Variants in BCO2 observed in about 807,000 individuals in gnomAD.
BCO2 encodes carotenoid-cleaving dioxygenase, mitochondrial.
A neutral mutation model predicts 65.8 loss-of-function variants in BCO2; 56 were observed. The ratio of observed to expected loss-of-function variants is 0.85; its 90% CI spans 0.69 to 1.06. The LOEUF (loss-of-function observed/expected upper bound fraction) is 1.06, where lower values mean the gene tolerates loss of function less well. BCO2 is among the 50% of genes least tolerant of loss of function. The probability of loss-of-function intolerance (pLI) is 0.00; values close to 1 mark genes in which losing one functional copy is unlikely to be tolerated. For synonymous variants in BCO2, 233 were observed against 242.3 expected (o/e 0.96, Z 0.36); for missense variants, 675 against 698.5 (o/e 0.97, Z 0.38).
At chr11:112,188,823 G>C (rs536451178) in intron 2 of BCO2, among the ~76,000 whole-genome samples, 3 of 149,906 alleles carry the variant, frequency 2.0e-5, no homozygotes, top group Non-Finnish European at 2.9e-5. Context: ...TTATGTGCCT[G>C]TAAGTGCTGA....
At chr11:112,197,487 G>C (rs926954427) in intron 5 of BCO2, among the ~76,000 whole-genome samples, 4 of 151,758 alleles carry the variant, frequency 2.6e-5, no homozygotes, top group Non-Finnish European at 5.9e-5. Flanking sequence ...GGTTGAGGCT[G>C]CAGTGAGTCG....
At chr11:112,190,727 G>A (rs570671752) in intron 2 of BCO2, among the ~76,000 whole-genome samples, 2 of 151,772 alleles carry the variant, frequency 1.3e-5, no homozygotes, top group Admixed American at 6.6e-5. Flanking sequence ...GTGGTGGCAC[G>A]TGCCTGTGAT....
chr11:112,183,989 A>G (rs1264818816), intron 2 of BCO2, among the ~76,000 whole-genome samples: 2 of 152,210 alleles, frequency 1.3e-5, no homozygotes, highest in Non-Finnish European at 2.9e-5. Context: ...AGACCAAGCA[A>G]TTCTGTCTGT....
At chr11:112,195,939 T>C (rs1350330663) in intron 5 of BCO2, among the ~76,000 whole-genome samples, 1 of 152,218 alleles carries the variant, frequency 6.6e-6, no homozygotes, top group African/African-American at 2.4e-5. Context: ...AAGTGGTCCC[T>C]GGATCTCACC....
At chr11:112,183,277 A>G (rs1358134887) in intron 2 of BCO2, 7 of 698,398 alleles carry the variant, frequency 1.0e-5, no homozygotes, top group Non-Finnish European at 1.6e-5. Context: ...GTTGTCTAGA[A>G]GAAATAACAC....
chr11:112,214,923 TGTG>T lies in BCO2; in HGVS notation c.1498_1500del (p.Val500del), dbSNP rs1198565464. ...TGGGGGATTCTCTGATCAAGGTTGA[TGTG>T]GTGAATAAGACACTGAAGGTGATGA... is the stretch of plus-strand genomic sequence containing the variant. On this transcript the variant is annotated inframe_deletion, in exon 10 of 12. Coordinates refer to ENST00000357685, the MANE Select transcript of BCO2 (RefSeq NM_031938.7). The T allele has an allele frequency of 1.9e-6, 3 of 1,614,044 alleles. No homozygotes were observed. In the African/African-American group the frequency reaches 4.0e-5, roughly 22 times the overall value.
intron 1 of BCO2, among the ~76,000 whole-genome samples, chr11:112,176,666 G>T (rs1866897256): frequency 6.6e-6 from 1 of 152,128 alleles, no homozygotes; most frequent in African/African-American, 2.4e-5. Context: ...TTCATGAAGT[G>T]GTAAGGGGGA....
intron 8 of BCO2, among the ~76,000 whole-genome samples, chr11:112,204,963 C>A (rs1244154600): frequency 1.3e-5 from 2 of 152,104 alleles, no homozygotes; most frequent in Admixed American, 1.3e-4. Context: ...CCACACCCAG[C>A]CTTTAATAAC....
chr11:112,186,611 A>G (rs1867207934), intron 2 of BCO2, among the ~76,000 whole-genome samples: 1 of 152,220 alleles, frequency 6.6e-6, no homozygotes, highest in African/African-American at 2.4e-5. Flanking sequence ...CCATGTCAGC[A>G]TGCAGACACA....
chr11:112,198,937 A>T (rs1867653043), intron 5 of BCO2, among the ~76,000 whole-genome samples: 1 of 151,694 alleles, frequency 6.6e-6, no homozygotes, highest in Non-Finnish European at 1.5e-5. Context: ...GTCCATTATA[A>T]TCCTTACCTC....
intron 8 of BCO2, 108 bp downstream of exon 8, chr11:112,202,298 T>C: frequency 9.4e-7 from 1 of 1,068,050 alleles, no homozygotes; most frequent in African/African-American, 1.6e-5. Flanking sequence ...TCTTTTTTCT[T>C]TTGAGACTGA....
In BCO2 at chr11:112,216,244, C is replaced by T; in HGVS notation, c.1540C>T (p.Pro514Ser). ...LKVWREDGFY[P>S]SEPVFVPAPG... The stretch of plus-strand genomic sequence containing the variant: ...GGTTTGGAGAGAAGATGGCTTTTAT[C>T]CCTCAGAACCTGTTTTTGTTCCAGC... Residue 514 changes from proline to serine, a missense_variant, in exon 11 of 12, where the codon CCC (proline) becomes TCC (serine). Transcript: ENST00000357685. The T allele has an allele frequency of 1.2e-6, 2 of 1,614,074 alleles. No individual in the cohort carries two copies. The highest frequency in any genetic ancestry group is 1.7e-6 in the Non-Finnish European group (2 of 1,179,974).
chr11:112,175,711 C>G, intron 1 of BCO2, 22 bp downstream of exon 1: 2 of 1,578,922 alleles, frequency 1.3e-6, no homozygotes, highest in Non-Finnish European at 1.7e-6. Flanking sequence ...GCCCCTTTCT[C>G]TTCCTCATCC....
intron 5 of BCO2, among the ~76,000 whole-genome samples, chr11:112,199,131 C>G (rs1209899585): frequency 1.3e-5 from 2 of 152,056 alleles, no homozygotes; most frequent in African/African-American, 4.8e-5. Context: ...CTGAAAGGCC[C>G]TGGTGTGTGA....
chr11:112,183,678 T>G (rs1446457898), intron 2 of BCO2, among the ~76,000 whole-genome samples: 1 of 152,252 alleles, frequency 6.6e-6, no homozygotes, highest in Non-Finnish European at 1.5e-5. Context: ...ATTGCTTTAG[T>G]GATTCCTCCC....
chr11:112,184,319 C>T (rs1243016920), intron 2 of BCO2, among the ~76,000 whole-genome samples: 5 of 151,670 alleles, frequency 3.3e-5, no homozygotes, highest in African/African-American at 4.9e-5. Flanking sequence ...GTGGTGCAAC[C>T]TCGGCTCACT....
At chr11:112,187,128 TC>T (rs1251126519) in intron 2 of BCO2, among the ~76,000 whole-genome samples, 1 of 152,170 alleles carries the variant, frequency 6.6e-6, no homozygotes, top group Non-Finnish European at 1.5e-5. Context: ...GGTCCTACAT[TC>T]CCATTAAACT....
At chr11:112,192,677 CTTTTTT>C (rs71463410) in intron 2 of BCO2, among the ~76,000 whole-genome samples, 1 of 124,796 alleles carries the variant, frequency 8.0e-6, no homozygotes, top group African/African-American at 2.9e-5. Flanking sequence ...TTCTTTCTTT[CTTTTTT>C]TTTTTTTTTT....
chr11:112,207,959 A>T (rs1246662499), intron 8 of BCO2, among the ~76,000 whole-genome samples: 2 of 146,582 alleles, frequency 1.4e-5, no homozygotes, highest in Non-Finnish European at 1.5e-5. Context: ...CTATATAGCA[A>T]TTTTTTTTTT....
Sources: allele counts gnomAD v4.1 joint callset (sites outside exome capture counted in the v4.1 genomes callset), GRCh38; gene constraint gnomAD v4.1.1; transcripts MANE v1.5; gene names NCBI Gene and HGNC (gene_info 2026-07-23, HGNC 2026-07-21).